The following ITPR1 variants were observed in gnomAD, a reference collection of about 807,000 sequenced individuals.
ITPR1 encodes inositol 1,4,5-trisphosphate-gated calcium channel ITPR1.
ITPR1 carries 96 observed loss-of-function variants against 318.4 expected under a neutral mutation model. That is an observed-to-expected ratio of 0.30 (90% CI 0.26 to 0.36). ITPR1 has a LOEUF of 0.36. ITPR1 is among the 10% of genes least tolerant of loss of function. The probability of loss-of-function intolerance (pLI) is 1.00; values close to 1 mark genes in which losing one functional copy is unlikely to be tolerated. For synonymous variants in ITPR1, 1,312 were observed against 1,289.9 expected (o/e 1.02, Z -0.37); for missense variants, 2,440 against 3,460.2 (o/e 0.71, Z 7.40).
rs144114501 is a variant in ITPR1 at position 4,639,283 on chromosome 3, G to A, written c.280-101G>A. 2.5e-4 allele frequency: 219 copies of A among 862,428 alleles called. 1 individual carries two copies. The East Asian group carries it at 5.0e-3, about 20-fold the overall frequency. 53.4% of individuals were successfully genotyped at this position (862,428 alleles called of 1,614,324 possible). On this transcript the variant is annotated intron_variant, in intron 5 of 61. Transcript: ENST00000649015. The stretch of plus-strand genomic sequence containing the variant: ...GTGTCCTCAGGGATTTGCGTATTTC[G>A]GTGGTTCTTGTATGAACTGGCGACA...
rs115879350 is a variant in ITPR1, at chr3:4,716,842, T to G, written c.5104-525T>G. 2.4e-3 allele frequency among the ~76,000 whole-genome samples: 362 copies of G among 152,330 alleles called. 1 individual carries two copies. Among genetic ancestry groups the G allele is most frequent in the Non-Finnish European group, 3.9e-3 (262 of 68,030 alleles). On this transcript the variant is annotated intron_variant, in intron 39 of 61. Coordinates refer to ENST00000649015, the MANE Select transcript of ITPR1 (RefSeq NM_001378452.1). ...TCATCCTAGAGGGAATATAGTTTCC[T>G]TTAATCATCCACAGGACCAGGCTGG...
intron 39 of ITPR1, among the ~76,000 whole-genome samples, chr3:4,715,139 T>G (rs974267908): frequency 1.3e-5 from 2 of 152,186 alleles, no homozygotes; most frequent in African/African-American, 4.8e-5. Context: ...CGGGGTTACA[T>G]AGTTAATTAC....
intron 4 of ITPR1, among the ~76,000 whole-genome samples, chr3:4,610,349 TTAA>T (rs1482408330): frequency 6.6e-6 from 1 of 151,908 alleles, no homozygotes; most frequent in African/African-American, 2.4e-5. Flanking sequence ...ACACAAGCAC[TTAA>T]TAATTGTTTG....
At chr3:4,759,426 G>C (rs1450595153) in intron 44 of ITPR1, among the ~76,000 whole-genome samples, 3 of 152,234 alleles carry the variant, frequency 2.0e-5, no homozygotes, top group Admixed American at 2.0e-4. Context: ...AACTCGGGTT[G>C]TAGTTTCAAC....
intron 4 of ITPR1, among the ~76,000 whole-genome samples, chr3:4,526,735 C>A (rs995296461): frequency 6.6e-6 from 1 of 152,186 alleles, no homozygotes; most frequent in African/African-American, 2.4e-5. Flanking sequence ...GGGTAACTTG[C>A]CCATAGTCAG....
intron 44 of ITPR1, among the ~76,000 whole-genome samples, chr3:4,764,707 AG>A (rs1451166703): frequency 4.6e-5 from 7 of 152,238 alleles, no homozygotes; most frequent in Admixed American, 1.3e-4. Flanking sequence ...ATATAAGAAT[AG>A]GGCAGTGGCA....
chr3:4,670,707 C>A (rs1559656384), intron 19 of ITPR1, 22 bp from the exon 20 acceptor site: 1 of 1,500,420 alleles, frequency 6.7e-7, no homozygotes. Flanking sequence ...AGTAACTTTT[C>A]CCTCCTCCTC....
chr3:4,821,702 C>A (rs758747113), intron 60 of ITPR1, among the ~76,000 whole-genome samples: 1 of 152,208 alleles, frequency 6.6e-6, no homozygotes, highest in East Asian at 1.9e-4. Flanking sequence ...CTGTCTAGAT[C>A]AGATACTTCA....
intron 44 of ITPR1, among the ~76,000 whole-genome samples, chr3:4,757,346 C>A (rs924050206): frequency 1.3e-5 from 2 of 152,130 alleles, no homozygotes; most frequent in African/African-American, 4.8e-5. Flanking sequence ...GTTTGGGAAC[C>A]CATATTAACA....
At chr3:4,670,483 C>T (rs976607822) in intron 19 of ITPR1, among the ~76,000 whole-genome samples, 1 of 152,180 alleles carries the variant, frequency 6.6e-6, no homozygotes, top group African/African-American at 2.4e-5. Context: ...CTCTCCATTT[C>T]GGTTGTGACA....
At chr3:4,518,534 AC>A (rs946988216) in intron 3 of ITPR1, among the ~76,000 whole-genome samples, 1 of 151,534 alleles carries the variant, frequency 6.6e-6, no homozygotes, top group Admixed American at 6.6e-5. Context: ...AAGTTTGACA[AC>A]CCTTCCTGTT....
rs74566902 is a variant in ITPR1 at position 4,601,175 on chromosome 3, C to T, written c.164-26588C>T. On this transcript the variant is annotated intron_variant, in intron 4 of 61. Coordinates refer to ENST00000649015, the MANE Select transcript of ITPR1 (RefSeq NM_001378452.1). ...GAACAATTAAATGGGGAAAAATATT[C>T]TTTTTTTTTTTTTTTTTGGCACTGG... Among the ~76,000 whole-genome samples, 466 of 119,610 alleles carry T rather than the reference C, an allele frequency of 3.9e-3. 1 individual carries two copies. The highest frequency in any genetic ancestry group is 6.8e-3 in the East Asian group (28 of 4,122). The allele number at this position is 119,610 out of a possible 152,430, so 78.5% of individuals were successfully genotyped here.
At chr3:4,514,765 C>A (rs527779130) in intron 2 of ITPR1, among the ~76,000 whole-genome samples, 1 of 152,334 alleles carries the variant, frequency 6.6e-6, no homozygotes, top group Admixed American at 6.5e-5. Flanking sequence ...AGTATGCTGA[C>A]TTCCTGACCC....
intron 20 of ITPR1, chr3:4,671,626 C>G (rs1366404381): frequency 6.6e-6 from 1 of 152,176 alleles, no homozygotes; most frequent in African/African-American, 2.4e-5. Context: ...CTCCTTGGCT[C>G]CAGCTGTAAG....
chr3:4,682,449 G>A (rs778275221), intron 26 of ITPR1, among the ~76,000 whole-genome samples: 2 of 152,324 alleles, frequency 1.3e-5, no homozygotes. Context: ...CAAGCTCATT[G>A]TCAGTGTGGG....
chr3:4,684,176 C>T (rs2094350169), intron 28 of ITPR1, 105 bp from the exon 29 acceptor site: 2 of 751,010 alleles, frequency 2.7e-6, no homozygotes, highest in South Asian at 3.2e-5. Context: ...TATTGTAAAA[C>T]AGTATAGAAC....
At chr3:4,708,347 A>T (rs1036149777) in intron 37 of ITPR1, among the ~76,000 whole-genome samples, 2 of 152,134 alleles carry the variant, frequency 1.3e-5, no homozygotes. Context: ...TCTTAACTTG[A>T]CCTATGAAAC....
At chr3:4,600,433 G>T in intron 4 of ITPR1, among the ~76,000 whole-genome samples, 1 of 152,080 alleles carries the variant, frequency 6.6e-6, no homozygotes, top group Non-Finnish European at 1.5e-5. Flanking sequence ...CTCTTTGAGG[G>T]CCCACAGGCT....
chr3:4,711,850 T>C lies in ITPR1; in HGVS notation c.5085T>C (p.Asp1695=). 1 of 1,518,212 alleles carries C rather than the reference T, an allele frequency of 6.6e-7. No individual in the cohort carries two copies. Among genetic ancestry groups the C allele is most frequent in the South Asian group, 1.2e-5 (1 of 80,992 alleles). The allele number at this position is 1,518,212 out of a possible 1,614,324, so 94.0% of individuals were successfully genotyped here. ...LQTLREMMTK[D]RGYGEKLISI... is the part of the protein sequence containing the mutation. ...CCCTGAGGGAAATGATGACCAAAGA[T>C]AGAGGCTATGGAGAAAAGGTACTGC... Residue 1695 remains aspartate (D), a synonymous_variant, in exon 39 of 62, where the codon GAT becomes GAC. Transcript: ENST00000649015.
Sources: allele counts gnomAD v4.1 joint callset (sites outside exome capture counted in the v4.1 genomes callset), GRCh38; gene constraint gnomAD v4.1.1; transcripts MANE v1.5; gene names NCBI Gene and HGNC (gene_info 2026-07-23, HGNC 2026-07-21).